CDH4: variants seen among roughly 807,000 people sequenced by gnomAD.
CDH4 encodes the protein cadherin-4.
A neutral mutation model predicts 86.0 loss-of-function variants in CDH4; 33 were observed. The observed-to-expected ratio is 0.38, with a 90% CI of 0.29 to 0.51. CDH4 has a LOEUF of 0.51. CDH4 is among the 20% of genes least tolerant of loss of function. CDH4 has a pLI of 0.86. For synonymous variants in CDH4, 555 were observed against 549.4 expected, an observed-to-expected ratio of 1.01 and a Z score of -0.14; for missense variants, 1,114 against 1,307.4, an observed-to-expected ratio of 0.85 and a Z score of 2.28.
intron 6 of CDH4, among the ~76,000 whole-genome samples, chr20:61,871,059 G>GTGTGTA (rs1169317661): frequency 6.6e-5 from 10 of 152,114 alleles, no homozygotes; most frequent in Non-Finnish European, 1.5e-4. Context: ...GTGTGTGTGT[G>GTGTGTA]TGTGTGTACA....
chr20:61,435,598 G>A (rs542054419), intron 2 of CDH4: 283 of 152,494 alleles, frequency 1.9e-3, no homozygotes, highest in Non-Finnish European at 3.5e-3. Context: ...AGAATCATCC[G>A]GAATGGCCAG....
intron 7 of CDH4, among the ~76,000 whole-genome samples, chr20:61,891,764 T>C (rs1412214343): frequency 2.0e-5 from 3 of 152,166 alleles, no homozygotes; most frequent in Non-Finnish European, 4.4e-5. Flanking sequence ...GGCTGCCGTG[T>C]TCCCACCTCC....
chr20:61,389,656 C>T (rs531382261), intron 2 of CDH4, among the ~76,000 whole-genome samples: 14 of 152,284 alleles, frequency 9.2e-5, no homozygotes, highest in Non-Finnish European at 1.3e-4. Flanking sequence ...CAGGAACACA[C>T]GGCGATGTCT....
rs372662217 is a variant in CDH4, at chr20:61,699,364, G to A, written c.170-44199G>A. Among the ~76,000 whole-genome samples the A allele has an allele frequency of 1.6e-4, 24 of 152,274 alleles. No homozygotes were observed. The East Asian group carries it at 3.9e-3, about 24-fold the overall frequency. ...ATCACAAGCCCCCCCAGTGCAGGGC[G>A]GGCACTGGGGCTCCCTGGGCTAGTG... On this transcript the variant is annotated intron_variant, in intron 2 of 15. Coordinates refer to ENST00000614565, the MANE Select transcript of CDH4 (RefSeq NM_001794.5).
At chr20:61,846,933 C>T (rs1327059927) in intron 5 of CDH4, among the ~76,000 whole-genome samples, 12 of 152,114 alleles carry the variant, frequency 7.9e-5, no homozygotes, top group South Asian at 4.2e-4. Context: ...GGGTGCTGGC[C>T]GGGGCATCTG....
At chr20:61,876,832 C>T (rs1013996685) in intron 7 of CDH4, among the ~76,000 whole-genome samples, 7 of 152,174 alleles carry the variant, frequency 4.6e-5, no homozygotes, top group Non-Finnish European at 8.8e-5. Context: ...TTTCCCACTG[C>T]CGGGTGGAGG....
At chr20:61,753,156 C>T (rs2088520136) in intron 3 of CDH4, among the ~76,000 whole-genome samples, 1 of 152,188 alleles carries the variant, frequency 6.6e-6, no homozygotes, top group Admixed American at 6.5e-5. Context: ...CATCAGTTTA[C>T]AGAGCGCTGG....
At chr20:61,650,428 T>C (rs959555524) in intron 2 of CDH4, among the ~76,000 whole-genome samples, 3 of 152,256 alleles carry the variant, frequency 2.0e-5, no homozygotes, top group Non-Finnish European at 2.9e-5. Context: ...TATGTTTCTA[T>C]AAGTTCATAT....
At position 61,889,507 on chromosome 20, in the gene CDH4, T is replaced by G. The variant is rs1202206417; in HGVS notation, c.1051-5403T>G. Among the ~76,000 whole-genome samples the G allele has an allele frequency of 4.1e-5, 6 of 144,732 alleles. No homozygotes were observed. The South Asian group carries it at 1.4e-3, about 33-fold the overall frequency. The allele number at this position is 144,732 out of a possible 152,430, so 94.9% of individuals were successfully genotyped here. ...GAGTGAGTGGATGATGGATGGATGA[T>G]GGATGGATGGATGATGGATGAGTAA... On this transcript the variant is annotated intron_variant, in intron 7 of 15. Transcript: ENST00000614565.
At chr20:61,917,389 G>A (rs1248912358) in intron 9 of CDH4, among the ~76,000 whole-genome samples, 1 of 152,234 alleles carries the variant, frequency 6.6e-6, no homozygotes, top group Non-Finnish European at 1.5e-5. Flanking sequence ...GTTCTTTCTC[G>A]TCTTACCCAT....
At chr20:61,742,608 G>T (rs6061786) in intron 2 of CDH4, among the ~76,000 whole-genome samples, 4 of 151,958 alleles carry the variant, frequency 2.6e-5, no homozygotes, top group Non-Finnish European at 4.4e-5. Context: ...TTTATAAATA[G>T]GAGTTAACTT....
intron 2 of CDH4, among the ~76,000 whole-genome samples, chr20:61,547,822 C>T (rs559713720): frequency 6.6e-6 from 1 of 152,382 alleles, no homozygotes; most frequent in Admixed American, 6.5e-5. Flanking sequence ...TGTGTGCATG[C>T]CTGCACATAC....
chr20:61,299,512 A>C (rs1314865071), intron 2 of CDH4, among the ~76,000 whole-genome samples: 1 of 152,234 alleles, frequency 6.6e-6, no homozygotes. Context: ...TGGAAGAAAA[A>C]TGTTGACTTA....
intron 4 of CDH4, among the ~76,000 whole-genome samples, chr20:61,803,455 T>C (rs1478879970): frequency 1.3e-5 from 2 of 152,254 alleles, no homozygotes; most frequent in African/African-American, 4.8e-5. Context: ...TTTGGAAATA[T>C]GAAATGGTAA....
At chr20:61,752,345 A>G (rs947528484) in intron 3 of CDH4, among the ~76,000 whole-genome samples, 4 of 151,896 alleles carry the variant, frequency 2.6e-5, no homozygotes, top group Non-Finnish European at 5.9e-5. Context: ...AAAAAAAAAA[A>G]AAAAAGAACT....
intron 2 of CDH4, among the ~76,000 whole-genome samples, chr20:61,672,218 G>A (rs2087398214): frequency 6.6e-6 from 1 of 151,738 alleles, no homozygotes; most frequent in African/African-American, 2.4e-5. Context: ...TGGATAGATG[G>A]GTGTATGAAT....
At chr20:61,407,004 C>G (rs1481659016) in intron 2 of CDH4, among the ~76,000 whole-genome samples, 4 of 149,040 alleles carry the variant, frequency 2.7e-5, no homozygotes, top group East Asian at 4.1e-4. Context: ...TCTGCTCTGC[C>G]CGGACCACCA....
chr20:61,311,933 G>A (rs1023301405), intron 2 of CDH4, among the ~76,000 whole-genome samples: 2 of 152,278 alleles, frequency 1.3e-5, no homozygotes, highest in Non-Finnish European at 2.9e-5. Flanking sequence ...CTGTGCCCGA[G>A]CCTGTGAGGT....
At position 61,545,327 on chromosome 20, in the gene CDH4, G is replaced by A. The variant is rs145881679; in HGVS notation, c.170-198236G>A. Among the ~76,000 whole-genome samples the A allele has an allele frequency of 4.6e-5, 7 of 152,364 alleles. No individual in the cohort carries two copies. The East Asian group carries it at 5.8e-4, about 13-fold the overall frequency. On this transcript the variant is annotated intron_variant, in intron 2 of 15. Coordinates refer to ENST00000614565, the MANE Select transcript of CDH4 (RefSeq NM_001794.5). ...GAAGTGGCGGTAAATTCCATGCAAC[G>A]TCAATTAACATTTCACAATTCTGCC... is the stretch of plus-strand genomic sequence containing the variant.
Sources: allele counts gnomAD v4.1 joint callset (sites outside exome capture counted in the v4.1 genomes callset), GRCh38; gene constraint gnomAD v4.1.1; transcripts MANE v1.5; gene names NCBI Gene and HGNC (gene_info 2026-07-23, HGNC 2026-07-21).